Variants in UPF2 observed in about 807,000 individuals in gnomAD.
UPF2 encodes the protein regulator of nonsense transcripts 2.
In UPF2, 17 loss-of-function variants were observed where a neutral mutation model predicts 141.4. That is an observed-to-expected ratio of 0.12 (90% CI 0.08 to 0.18). The LOEUF (loss-of-function observed/expected upper bound fraction) is 0.18, where lower values mean the gene tolerates loss of function less well. Among genes scored for constraint, UPF2 ranks in the 10% least tolerant of loss-of-function variants. The pLI, the probability that UPF2 is intolerant of heterozygous loss-of-function variation, is 1.00. For synonymous variants in UPF2, 540 were observed against 498.0 expected, an observed-to-expected ratio of 1.08 and a Z score of -1.12; for missense variants, 1,152 against 1,515.9, an observed-to-expected ratio of 0.76 and a Z score of 3.99.
rs544948958 is a variant in UPF2 at position 11,979,375 on chromosome 10, C to T, written c.1845-210G>A. Among the ~76,000 whole-genome samples, 23 of 152,116 alleles carry T rather than the reference C, an allele frequency of 1.5e-4. No homozygotes were observed. Among genetic ancestry groups the T allele is most frequent in the Middle Eastern group, 3.4e-3 (1 of 294 alleles). The stretch of plus-strand genomic sequence containing the variant: ...ATTAATATTCTGGCATTTTCCATTC[C>T]GTGAATTTACTGCACATCTGTAGTT... On this transcript the variant is annotated intron_variant, in intron 8 of 21. Coordinates refer to ENST00000357604, the MANE Select transcript of UPF2 (RefSeq NM_015542.4). The surrounding 1 kb of genome is among the most constrained non-coding windows in gnomAD (Gnocchi z 6.2).
chr10:11,975,849 G>A (rs182813596), intron 9 of UPF2, among the ~76,000 whole-genome samples: 2 of 152,312 alleles, frequency 1.3e-5, no homozygotes, highest in Non-Finnish European at 2.9e-5. Context: ...CAATTCAAAT[G>A]GCTGTCCATC....
Position 11,952,175 on chromosome 10 carries a change from C to A in UPF2, c.2925G>T (p.Met975Ile). The part of the protein sequence containing the change: ...DHPFPIDIDY[M>I]ISDTLELLRP... Reference sequence around the variant, plus strand: ...TTAGCAGTTCTAGTGTATCACTGATCATGTAATCTATATCAATAGGAAATG... The same window carrying A: ...TTAGCAGTTCTAGTGTATCACTGATAATGTAATCTATATCAATAGGAAATG... Residue 975 changes from methionine to isoleucine, a missense_variant, in exon 15 of 22, where the codon ATG becomes ATT. Around this residue, in one of 4 missense-constraint regions of UPF2, gnomAD observed 739 missense variants for 1,032.2 expected, o/e 0.72. Coordinates refer to ENST00000357604, the MANE Select transcript of UPF2 (RefSeq NM_015542.4). 6.2e-7 allele frequency: 1 copy of A among 1,613,842 alleles called. No homozygotes were observed. The highest frequency in any genetic ancestry group is 8.5e-7 in the Non-Finnish European group (1 of 1,179,864).
chr10:12,014,299 C>A lies in UPF2; in HGVS notation c.1146-115G>T, dbSNP rs12260519. On this transcript the variant is annotated intron_variant, in intron 3 of 21. Transcript: ENST00000357604. This position sits in a 1 kb window ranked among gnomAD's most constrained non-coding sequence, Gnocchi z 5.0. ...TCTCATACAAATTTAGTAAAATCTT[C>A]ATTTTTATTTAACATTTGAATCTAG... 2,310 of 1,024,354 alleles carry A rather than the reference C, an allele frequency of 2.3e-3. 46 individuals are homozygous for A. The African/African-American group carries it at 0.035, about 16-fold the overall frequency. 63.5% of individuals were successfully genotyped at this position (1,024,354 alleles called of 1,614,324 possible).
Position 11,998,536 on chromosome 10 carries a change from T to C in UPF2, c.1759-779A>G, listed in dbSNP as rs1833900131. Reference sequence around the variant, plus strand: ...AAGCAGCTGAGACTATAGGCATGTGTAGTTAAGGTTGAAACATAATAAAAA... The same window carrying C: ...AAGCAGCTGAGACTATAGGCATGTGCAGTTAAGGTTGAAACATAATAAAAA... On this transcript the variant is annotated intron_variant, in intron 7 of 21. Coordinates refer to ENST00000357604, the MANE Select transcript of UPF2 (RefSeq NM_015542.4). This position sits in a 1 kb window ranked among gnomAD's most constrained non-coding sequence, Gnocchi z 4.5. Among the ~76,000 whole-genome samples the C allele has an allele frequency of 1.1e-4, 16 of 151,914 alleles. No homozygotes were observed.
Position 11,956,604 on chromosome 10 carries a change from T to C in UPF2, c.2371-81A>G. 1 of 1,327,022 alleles carries C rather than the reference T, an allele frequency of 7.5e-7. No individual in the cohort carries two copies. Among genetic ancestry groups the C allele is most frequent in the East Asian group, 2.3e-5 (1 of 43,278 alleles). 82.2% of individuals were successfully genotyped at this position (1,327,022 alleles called of 1,614,324 possible). On this transcript the variant is annotated intron_variant, in intron 12 of 21. Coordinates refer to ENST00000357604, the MANE Select transcript of UPF2 (RefSeq NM_015542.4). This position sits in a 1 kb window ranked among gnomAD's most constrained non-coding sequence, Gnocchi z 4.2. ...AAATAATACAGAAATTTTGCTATGA[T>C]TGCGCAGAGAACTTTTGAAATAGAA... is the stretch of plus-strand genomic sequence containing the variant.
rs1156513957 is a variant in UPF2, at chr10:11,980,638, C to G, written c.1845-1473G>C. Among the ~76,000 whole-genome samples, 2 of 151,902 alleles carry G rather than the reference C, an allele frequency of 1.3e-5. No homozygotes were observed. Among genetic ancestry groups the G allele is most frequent in the African/African-American group, 4.8e-5 (2 of 41,332 alleles). ...ATCCCAGCTACTCGGGAGACTGAGGCAGGAGAATCACTTGAACCCAGGAGG... is the reference window on the plus strand; with the variant it reads ...ATCCCAGCTACTCGGGAGACTGAGGGAGGAGAATCACTTGAACCCAGGAGG... On this transcript the variant is annotated intron_variant, in intron 8 of 21. Transcript: ENST00000357604. The surrounding 1 kb of genome is among the most constrained non-coding windows in gnomAD (Gnocchi z 4.2).
chr10:11,963,537 T>A (rs1334817440), intron 11 of UPF2, among the ~76,000 whole-genome samples: 2 of 152,170 alleles, frequency 1.3e-5, no homozygotes, highest in African/African-American at 4.8e-5. Context: ...GAGGTCTCAC[T>A]ATGTTGCCAA....
chr10:11,943,029 C>G (rs745748730), intron 17 of UPF2, 35 bp downstream of exon 17: 1 of 1,491,092 alleles, frequency 6.7e-7, no homozygotes, highest in Admixed American at 1.8e-5. Context: ...AAATGCTGCA[C>G]AATTTCAAAA....
rs553234918 is a variant in UPF2 at position 11,951,981 on chromosome 10, C to T, written c.3034+85G>A. The stretch of plus-strand genomic sequence containing the variant: ...GAAAATAGAAAAGATACAATGTAAG[C>T]TCTGACTGGTAACATTATAAAGCAA... On this transcript the variant is annotated intron_variant, in intron 15 of 21. Coordinates refer to ENST00000357604, the MANE Select transcript of UPF2 (RefSeq NM_015542.4). 34 of 1,357,596 alleles carry T rather than the reference C, an allele frequency of 2.5e-5. No individual in the cohort carries two copies. In the African/African-American group the frequency reaches 3.2e-4, roughly 13 times the overall value. The allele number at this position is 1,357,596 out of a possible 1,614,324, so 84.1% of individuals were successfully genotyped here.
In UPF2 at chr10:11,997,712, T is replaced by C. The variant is rs1183597821; in HGVS notation, c.1804A>G (p.Lys602Glu). ...CMNMNTKANR[K>E]KLVRALFIVP... ...ATGAAGAGTGCCCGTACCAACTTCT[T>C]CCTGTTTGCTTTTGTGTTCATGTTC... Residue 602 changes from lysine to glutamate, a missense_variant, in exon 8 of 22, where the codon AAG becomes GAG. Lys to Glu is a moderately conservative substitution (Grantham distance 56). This residue lies in a region of UPF2 where 739 missense variants were observed against 1,032.2 expected (regional missense o/e 0.72). Coordinates refer to ENST00000357604, the MANE Select transcript of UPF2 (RefSeq NM_015542.4). 6.2e-7 allele frequency: 1 copy of C among 1,613,890 alleles called. No homozygotes were observed. Among genetic ancestry groups the C allele is most frequent in the Non-Finnish European group, 8.5e-7 (1 of 1,179,876 alleles).
chr10:12,018,705 C>A (rs1332201220), intron 3 of UPF2, among the ~76,000 whole-genome samples: 2 of 152,072 alleles, frequency 1.3e-5, no homozygotes, highest in East Asian at 3.8e-4. Flanking sequence ...TAAGCCGTGA[C>A]CGTGCCACTG....
At chr10:11,945,321 C>T (rs1832987430) in intron 16 of UPF2, among the ~76,000 whole-genome samples, 1 of 152,172 alleles carries the variant, frequency 6.6e-6, no homozygotes, top group Non-Finnish European at 1.5e-5. Context: ...TTTTTAAGAG[C>T]TGAATTCTAA....
intron 8 of UPF2, among the ~76,000 whole-genome samples, chr10:11,981,802 C>T (rs1254581610): frequency 2.0e-5 from 3 of 152,214 alleles, no homozygotes; most frequent in African/African-American, 7.2e-5. Flanking sequence ...ACTTCTGCCT[C>T]AGCCTCCCAA....
Position 12,030,725 on chromosome 10 carries a change from TAACA to T in UPF2, c.366-1205_366-1202del, listed in dbSNP as rs1484265220. On this transcript the variant is annotated intron_variant, in intron 2 of 21. Transcript: ENST00000357604. ...GGTGAAACGCCATCTCTACTAAAAA[TAACA>T]AAAAATTAGCAGGGCATGGTTGCAC... Among the ~76,000 whole-genome samples the T allele has an allele frequency of 2.0e-5, 3 of 147,172 alleles. No homozygotes were observed. In the Admixed American group the frequency reaches 2.1e-4, roughly 10 times the overall value.
chr10:11,938,842 GTTTTTTTTTTGTTTTTT>G (rs1306835264), intron 18 of UPF2, among the ~76,000 whole-genome samples: 12 of 45,870 alleles, frequency 2.6e-4, no homozygotes, highest in East Asian at 2.3e-3. Context: ...TCTTAAGCAA[GTTTTTTTTTTGTTTTTT>G]TTTTTTTTTT....
chr10:12,032,836 T>C (rs1834550070), intron 2 of UPF2, among the ~76,000 whole-genome samples: 1 of 151,882 alleles, frequency 6.6e-6, no homozygotes, highest in African/African-American at 2.4e-5. Flanking sequence ...CTGTTCCTTA[T>C]TAAAAGAGGT....
At chr10:11,933,407 A>G (rs1371852598) in intron 19 of UPF2, among the ~76,000 whole-genome samples, 2 of 152,236 alleles carry the variant, frequency 1.3e-5, no homozygotes, top group African/African-American at 4.8e-5. Context: ...AGCACTGAAA[A>G]TTTACTTAAT....
chr10:11,983,765 C>G (rs765107645), intron 8 of UPF2, among the ~76,000 whole-genome samples: 3 of 152,016 alleles, frequency 2.0e-5, no homozygotes, highest in Non-Finnish European at 2.9e-5. Context: ...TGAGATTGGT[C>G]AATGCTTGTG....
intron 18 of UPF2, among the ~76,000 whole-genome samples, chr10:11,938,847 T>TTTTTTG (rs1564337749): frequency 8.4e-5 from 10 of 119,546 alleles, no homozygotes; most frequent in East Asian, 5.8e-4. Flanking sequence ...AGCAAGTTTT[T>TTTTTTG]TTTTTGTTTT....
Sources: gnomAD v4.1 joint callset for allele counts (sites outside exome capture counted in the v4.1 genomes callset) on GRCh38, gnomAD v4.1.1 for gene constraint, gnomAD v4.1.1 regional missense constraint, Gnocchi (gnomAD v3.1) non-coding constraint, MANE v1.5 for transcripts, NCBI Gene and HGNC (gene_info 2026-07-23, HGNC 2026-07-21) for gene names.